The following SGMS1 variants were observed in gnomAD, a reference collection of about 807,000 sequenced individuals.
SGMS1 encodes the protein phosphatidylcholine:ceramide cholinephosphotransferase 1.
In SGMS1, 13 loss-of-function variants were observed where a neutral mutation model predicts 46.2. The ratio of observed to expected loss-of-function variants is 0.28; its 90% CI spans 0.18 to 0.45. The LOEUF (loss-of-function observed/expected upper bound fraction) is 0.45. Among genes scored for constraint, SGMS1 ranks in the 20% least tolerant of loss-of-function variants. The probability of loss-of-function intolerance (pLI) is 1.00; values close to 1 mark genes in which losing one functional copy is unlikely to be tolerated. For missense variants in SGMS1, 324 were observed against 519.9 expected (o/e 0.62, Z 3.66); for synonymous variants, 203 against 187.8 (o/e 1.08, Z -0.66).
intron 7 of SGMS1, 78 bp from the exon 8 acceptor site, chr10:50,327,400 C>A: frequency 1.2e-6 from 1 of 850,074 alleles, no homozygotes; most frequent in Admixed American, 2.1e-5. Flanking sequence ...TTCAATGACT[C>A]AATAAAAACA....
intron 1 of SGMS1, among the ~76,000 whole-genome samples, chr10:50,620,475 T>C (rs1838839175): frequency 6.6e-6 from 1 of 152,230 alleles, no homozygotes; most frequent in East Asian, 1.9e-4. Flanking sequence ...ACTGAATAGT[T>C]TGCCATATGA....
chr10:50,507,509 AT>A (rs1307699549), intron 3 of SGMS1, among the ~76,000 whole-genome samples: 6 of 152,174 alleles, frequency 3.9e-5, no homozygotes, highest in Non-Finnish European at 8.8e-5. Flanking sequence ...AGAAAGCACA[AT>A]TTTGCACACA....
At chr10:50,494,387 A>C (rs777718535) in intron 3 of SGMS1, among the ~76,000 whole-genome samples, 2 of 152,252 alleles carry the variant, frequency 1.3e-5, no homozygotes, top group Non-Finnish European at 2.9e-5. Flanking sequence ...CTAAATGCCC[A>C]TCAGTGGTAG....
intron 6 of SGMS1, among the ~76,000 whole-genome samples, chr10:50,389,889 G>A (rs1589419993): frequency 1.3e-5 from 2 of 152,262 alleles, no homozygotes; most frequent in East Asian, 1.9e-4. Flanking sequence ...AACGTTTAGT[G>A]TACTAATTGA....
At chr10:50,467,724 A>T (rs1262772267) in intron 3 of SGMS1, among the ~76,000 whole-genome samples, 1 of 152,200 alleles carries the variant, frequency 6.6e-6, no homozygotes, top group Admixed American at 6.5e-5. Flanking sequence ...TTATTTAGGG[A>T]TCTGTCTGGG....
chr10:50,560,338 A>G (rs1020302770), intron 2 of SGMS1, among the ~76,000 whole-genome samples: 2 of 137,816 alleles, frequency 1.5e-5, no homozygotes, highest in East Asian at 2.0e-4. Flanking sequence ...TATTATTAAT[A>G]TTATTAATAA....
chr10:50,492,202 G>GC (rs1837573456), intron 3 of SGMS1, among the ~76,000 whole-genome samples: 1 of 152,156 alleles, frequency 6.6e-6, no homozygotes, highest in Non-Finnish European at 1.5e-5. Context: ...CAAACCCACA[G>GC]CCAACATTGT....
chr10:50,313,487 T>C (rs920609519), intron 8 of SGMS1, among the ~76,000 whole-genome samples: 1 of 152,156 alleles, frequency 6.6e-6, no homozygotes, highest in South Asian at 2.1e-4. Context: ...AGGAGACTAC[T>C]GTTTTTTCAC....
intron 1 of SGMS1, among the ~76,000 whole-genome samples, chr10:50,621,253 T>C (rs1347902834): frequency 6.6e-6 from 1 of 152,192 alleles, no homozygotes; most frequent in Non-Finnish European, 1.5e-5. Context: ...TGACGTATGT[T>C]AACAAAGCAC....
intron 5 of SGMS1, among the ~76,000 whole-genome samples, chr10:50,454,387 C>A (rs1467689421): frequency 6.6e-6 from 1 of 152,020 alleles, no homozygotes; most frequent in Non-Finnish European, 1.5e-5. Context: ...TTAAAATAGA[C>A]TAGCCTGTGG....
intron 1 of SGMS1, among the ~76,000 whole-genome samples, chr10:50,594,564 T>C (rs900624450): frequency 2.0e-5 from 3 of 152,242 alleles, no homozygotes; most frequent in African/African-American, 7.2e-5. Context: ...CACTTGATTT[T>C]ATTTATAGTA....
At chr10:50,622,037 G>A (rs1352112703) in intron 1 of SGMS1, among the ~76,000 whole-genome samples, 1 of 152,264 alleles carries the variant, frequency 6.6e-6, no homozygotes, top group African/African-American at 2.4e-5. Flanking sequence ...GCAGAAGGCA[G>A]CACCTGGAGG....
chr10:50,455,755 A>G (rs1837183014), intron 5 of SGMS1, among the ~76,000 whole-genome samples: 1 of 152,200 alleles, frequency 6.6e-6, no homozygotes, highest in African/African-American at 2.4e-5. Context: ...TGAATTTCAT[A>G]CACCACATCA....
intron 6 of SGMS1, among the ~76,000 whole-genome samples, chr10:50,366,352 G>A (rs1343877743): frequency 6.6e-6 from 1 of 152,204 alleles, no homozygotes; most frequent in Non-Finnish European, 1.5e-5. Context: ...CACTGTTGGT[G>A]GAAGTGTAAA....
At chr10:50,456,338 C>T (rs1564919050) in intron 5 of SGMS1, among the ~76,000 whole-genome samples, 1 of 151,734 alleles carries the variant, frequency 6.6e-6, no homozygotes, top group Non-Finnish European at 1.5e-5. Context: ...TCCCTCACCC[C>T]TTACCTACTC....
chr10:50,455,586 T>G (rs968758100), intron 5 of SGMS1, among the ~76,000 whole-genome samples: 1 of 152,238 alleles, frequency 6.6e-6, no homozygotes, highest in Non-Finnish European at 1.5e-5. Context: ...AATTCTCTAG[T>G]CAGTCAACTG....
At chr10:50,556,567 AGAGTGAATGGAGCACAATGAGCC>A (rs952861573) in intron 2 of SGMS1, among the ~76,000 whole-genome samples, 2 of 152,210 alleles carry the variant, frequency 1.3e-5, no homozygotes, top group Non-Finnish European at 2.9e-5. Flanking sequence ...CAAGGAGGCC[AGAGTGAATGGAGCACAATGAGCC>A]AAGGGAACAA....
At chr10:50,588,855 G>A (rs972383948) in intron 2 of SGMS1, among the ~76,000 whole-genome samples, 2 of 148,074 alleles carry the variant, frequency 1.4e-5, no homozygotes, top group Non-Finnish European at 1.5e-5. Flanking sequence ...TCAGCCTCCC[G>A]AGTAGCTGGG....
chr10:50,495,382 T>A (rs556228632), intron 3 of SGMS1, among the ~76,000 whole-genome samples: 2 of 152,270 alleles, frequency 1.3e-5, no homozygotes, highest in South Asian at 4.1e-4. Flanking sequence ...AGAAAATGTT[T>A]AAATAGAATG....
Sources: gnomAD v4.1 joint callset for allele counts (sites outside exome capture counted in the v4.1 genomes callset) on GRCh38, gnomAD v4.1.1 for gene constraint, MANE v1.5 for transcripts, NCBI Gene and HGNC (gene_info 2026-07-23, HGNC 2026-07-21) for gene names.